The following SH3BGRL2 variants were observed in gnomAD, a reference collection of about 807,000 sequenced individuals.
SH3BGRL2 encodes SH3 domain binding glutamate rich protein like 2, also known as SH3 domain-binding glutamic acid-rich-like protein 2.
Under a neutral mutation model 14.8 loss-of-function variants are expected in SH3BGRL2, and 21 were observed. That is an observed-to-expected ratio of 1.42 (90% CI 1.01 to 2.05). SH3BGRL2 has a LOEUF of 2.05. Ranked by LOEUF, SH3BGRL2 falls within the 30% of genes most tolerant of loss-of-function variation. SH3BGRL2 has a pLI of 0.00. For missense variants in SH3BGRL2, 147 were observed against 130.8 expected (o/e 1.12, Z -0.61); for synonymous variants, 50 against 47.8 (o/e 1.05, Z -0.19).
the SH3BGRL2 span, among the ~76,000 whole-genome samples, chr6:79,539,603 T>G: frequency 2.6e-5 from 4 of 152,244 alleles, no homozygotes; most frequent in Admixed American, 2.0e-4. Context: ...GGACTTTGAT[T>G]GGCTTCTTTA....
the SH3BGRL2 span, among the ~76,000 whole-genome samples, chr6:79,587,673 A>G: frequency 6.6e-6 from 1 of 152,202 alleles, no homozygotes; most frequent in Non-Finnish European, 1.5e-5. Context: ...TACCCTCTTA[A>G]GTTCTATGGC....
intron 1 of SH3BGRL2, among the ~76,000 whole-genome samples, chr6:79,644,488 G>C (rs931425588): frequency 1.3e-5 from 2 of 152,120 alleles, no homozygotes; most frequent in East Asian, 3.9e-4. Flanking sequence ...TTTGTTTATT[G>C]TCAACCATCT....
chr6:79,676,508 C>CT (rs1769884596), intron 2 of SH3BGRL2, among the ~76,000 whole-genome samples: 1 of 152,048 alleles, frequency 6.6e-6, no homozygotes, highest in Non-Finnish European at 1.5e-5. Context: ...TGACCATTCT[C>CT]TTTTTTCTAA....
chr6:79,645,319 A>G (rs994033909), intron 1 of SH3BGRL2, among the ~76,000 whole-genome samples: 2 of 151,578 alleles, frequency 1.3e-5, no homozygotes, highest in Non-Finnish European at 2.9e-5. Flanking sequence ...TCTTTTGAGC[A>G]AATATTTTAA....
At chr6:79,680,996 C>T (rs969178051) in intron 2 of SH3BGRL2, among the ~76,000 whole-genome samples, 1 of 152,006 alleles carries the variant, frequency 6.6e-6, no homozygotes, top group Non-Finnish European at 1.5e-5. Flanking sequence ...GAAATTCAGT[C>T]AAGTTTCATT....
rs1054923734 is a variant in SH3BGRL2 at position 79,703,019 on chromosome 6, G to A, written c.*3510G>A. ...CCAGAACAGAAGGAGGGTGGAGGAA[G>A]TGATCAGAGGGAACGAGCTGTAGGT... On this transcript the variant is annotated 3_prime_UTR_variant, in exon 4 of 4. Transcript: ENST00000369838. 2.6e-5 allele frequency: 4 copies of A among 152,278 alleles called. No individual in the cohort carries two copies. The highest frequency in any genetic ancestry group is 9.6e-5 in the African/African-American group (4 of 41,462). The allele number at this position is 152,278 out of a possible 1,614,324, so 9.4% of individuals were successfully genotyped here.
rs12203837 is a variant in SH3BGRL2 at position 79,699,534 on chromosome 6, G to A, written c.*25G>A. ...GAGAAGAAGAGTGGAAGATGACGGA[G>A]ATGCATTTTGAAGCACCCCTGGTAC... On this transcript the variant is annotated 3_prime_UTR_variant, in exon 4 of 4. Transcript: ENST00000369838. The A allele has an allele frequency of 7.1e-7, 1 of 1,405,724 alleles. No homozygotes were observed. The highest frequency in any genetic ancestry group is 9.4e-7 in the Non-Finnish European group (1 of 1,061,890). The allele number at this position is 1,405,724 out of a possible 1,614,324, so 87.1% of individuals were successfully genotyped here. A position where few individuals can be genotyped will look rare whatever the true frequency, so the allele number is the denominator to read the frequency against.
At chr6:79,638,267 A>T (rs1768965348) in intron 1 of SH3BGRL2, among the ~76,000 whole-genome samples, 1 of 152,162 alleles carries the variant, frequency 6.6e-6, no homozygotes, top group African/African-American at 2.4e-5. Context: ...GGGTGCATTC[A>T]TGTTGCCATG....
At chr6:79,663,234 T>C (rs1231629647) in intron 1 of SH3BGRL2, among the ~76,000 whole-genome samples, 1 of 152,198 alleles carries the variant, frequency 6.6e-6, no homozygotes, top group African/African-American at 2.4e-5. Flanking sequence ...TGCTCTGGTT[T>C]TTAGAATTTT....
chr6:79,579,669 C>A, the SH3BGRL2 span, among the ~76,000 whole-genome samples: 3 of 152,168 alleles, frequency 2.0e-5, no homozygotes, highest in East Asian at 3.8e-4. Flanking sequence ...TGGAAAGGAA[C>A]AACCAGTACC....
intron 1 of SH3BGRL2, among the ~76,000 whole-genome samples, chr6:79,654,997 A>G (rs1053585183): frequency 7.9e-5 from 12 of 152,172 alleles, no homozygotes; most frequent in African/African-American, 2.9e-4. Flanking sequence ...AATCTTATAA[A>G]GGGGGAATTA....
intron 1 of SH3BGRL2, among the ~76,000 whole-genome samples, chr6:79,666,853 G>A (rs1327920344): frequency 6.6e-6 from 1 of 152,192 alleles, no homozygotes; most frequent in African/African-American, 2.4e-5. Context: ...TGTGAAAGCA[G>A]GTGAAATAAA....
At chr6:79,538,189 C>T in the SH3BGRL2 span, among the ~76,000 whole-genome samples, 1 of 151,668 alleles carries the variant, frequency 6.6e-6, no homozygotes, top group Non-Finnish European at 1.5e-5. Flanking sequence ...TTAAACTGCT[C>T]CGAGCCATCT....
chr6:79,569,284 G>A, the SH3BGRL2 span, among the ~76,000 whole-genome samples: 1 of 152,178 alleles, frequency 6.6e-6, no homozygotes, highest in African/African-American at 2.4e-5. Context: ...AAGATATGCA[G>A]TTGTGGAGAA....
chr6:79,693,074 T>C (rs1031849176), intron 2 of SH3BGRL2, among the ~76,000 whole-genome samples: 13 of 151,488 alleles, frequency 8.6e-5, no homozygotes, highest in Non-Finnish European at 1.8e-4. Flanking sequence ...GTCCTTCACA[T>C]CCCTTGTAAG....
At chr6:79,645,743 GTTGT>G (rs1769130624) in intron 1 of SH3BGRL2, among the ~76,000 whole-genome samples, 1 of 152,206 alleles carries the variant, frequency 6.6e-6, no homozygotes, top group Admixed American at 6.5e-5. Context: ...ATGGTTATTA[GTTGT>G]TTGCTGGCTT....
intron 3 of SH3BGRL2, among the ~76,000 whole-genome samples, chr6:79,698,397 A>G (rs145804028): frequency 7.5e-4 from 115 of 152,330 alleles, no homozygotes; most frequent in African/African-American, 2.7e-3. Flanking sequence ...CAGAGTGTTC[A>G]CAGGTTTAAT....
intron 2 of SH3BGRL2, among the ~76,000 whole-genome samples, chr6:79,684,902 A>G (rs893058967): frequency 6.6e-6 from 1 of 152,198 alleles, no homozygotes; most frequent in Non-Finnish European, 1.5e-5. Flanking sequence ...GTAAATATTC[A>G]TATGTGGCAT....
the SH3BGRL2 span, among the ~76,000 whole-genome samples, chr6:79,619,243 A>C: frequency 1.3e-5 from 2 of 151,720 alleles, no homozygotes; most frequent in African/African-American, 2.4e-5. Context: ...TTTTTGTTTG[A>C]TGTTTTGTTA....
Sources: gnomAD v4.1 joint callset for allele counts (sites outside exome capture counted in the v4.1 genomes callset) on GRCh38, gnomAD v4.1.1 for gene constraint, MANE v1.5 for transcripts, NCBI Gene and HGNC (gene_info 2026-07-23, HGNC 2026-07-21) for gene names.